Variants in SLC16A7 observed in about 807,000 individuals in gnomAD.
SLC16A7 encodes the protein solute carrier family 16 member 7.
In SLC16A7, 33 loss-of-function variants were observed where a neutral mutation model predicts 34.9. The ratio of observed to expected loss-of-function variants is 0.94; its 90% CI spans 0.72 to 1.26. The LOEUF (loss-of-function observed/expected upper bound fraction) is 1.26. SLC16A7 is among the 50% of genes most tolerant of loss of function. The pLI is 0.00. For missense variants in SLC16A7, 573 were observed against 578.1 expected (o/e 0.99, Z 0.09); for synonymous variants, 201 against 206.6 (o/e 0.97, Z 0.23).
chr12:59,609,965 C>T (rs1879120150), intron 1 of SLC16A7, among the ~76,000 whole-genome samples: 1 of 152,154 alleles, frequency 6.6e-6, no homozygotes, highest in Admixed American at 6.5e-5. Flanking sequence ...TCACCTCATG[C>T]AATCCTTAAT....
At chr12:59,727,011 G>T (rs931602205) in intron 3 of SLC16A7, among the ~76,000 whole-genome samples, 1 of 151,788 alleles carries the variant, frequency 6.6e-6, no homozygotes, top group Admixed American at 6.6e-5. Flanking sequence ...ATCTAAAGAA[G>T]GATGACAATC....
chr12:59,607,302 C>T lies in SLC16A7; in HGVS notation c.-130+11066C>T, dbSNP rs543687370. Among the ~76,000 whole-genome samples, 6 of 152,136 alleles carry T rather than the reference C, an allele frequency of 3.9e-5. No homozygotes were observed. The South Asian group carries it at 6.2e-4, about 16-fold the overall frequency. ...GTCTTTAGTTAAGAGAGGAGCTAGT[C>T]GTAGTAAGTGCCACAGAACTCAAAA... On this transcript the variant is annotated intron_variant, in intron 1 of 5. Transcript: ENST00000547379.
intron 2 of SLC16A7, among the ~76,000 whole-genome samples, chr12:59,694,961 T>C (rs751508992): frequency 6.6e-6 from 1 of 152,006 alleles, no homozygotes; most frequent in Admixed American, 6.6e-5. Context: ...TTAGTCTTTC[T>C]GGAAGAAAAT....
intron 3 of SLC16A7, among the ~76,000 whole-genome samples, chr12:59,749,446 C>G (rs2706284): frequency 6.6e-6 from 1 of 152,048 alleles, no homozygotes. Flanking sequence ...CAAAACCCCA[C>G]GAATTCAGTG....
chr12:59,787,259 G>A lies in SLC16A7; in HGVS notation c.*7580G>A, dbSNP rs1883689333. The A allele has an allele frequency of 6.6e-6, 1 of 152,102 alleles. No individual in the cohort carries two copies. Among genetic ancestry groups the A allele is most frequent in the Admixed American group, 6.6e-5 (1 of 15,262 alleles). The allele number at this position is 152,102 out of a possible 1,614,324, so 9.4% of individuals were successfully genotyped here. A position where few individuals can be genotyped will look rare whatever the true frequency, so the allele number is the denominator to read the frequency against. Reference sequence around the variant, plus strand: ...TTGTATGCAAGAAATTATTGCCATAGCATAGTCTTGAGGAGAACACCTCTA... The same window carrying A: ...TTGTATGCAAGAAATTATTGCCATAACATAGTCTTGAGGAGAACACCTCTA... On this transcript the variant is annotated 3_prime_UTR_variant, in exon 6 of 6. Transcript: ENST00000547379.
intron 3 of SLC16A7, among the ~76,000 whole-genome samples, chr12:59,717,992 G>T (rs1037944918): frequency 6.6e-6 from 1 of 152,100 alleles, no homozygotes; most frequent in Non-Finnish European, 1.5e-5. Flanking sequence ...AATAGTGTCA[G>T]AAAAATACAT....
intron 3 of SLC16A7, among the ~76,000 whole-genome samples, chr12:59,747,050 T>G (rs1207581257): frequency 6.6e-6 from 1 of 152,178 alleles, no homozygotes; most frequent in African/African-American, 2.4e-5. Flanking sequence ...TAGGCTAGTC[T>G]CTAAATCCTG....
chr12:59,673,983 A>T (rs7953712), intron 2 of SLC16A7, among the ~76,000 whole-genome samples: 1 of 152,108 alleles, frequency 6.6e-6, no homozygotes, highest in East Asian at 1.9e-4. Context: ...TCTCAGTCTG[A>T]TTTAGTTATA....
intron 2 of SLC16A7, among the ~76,000 whole-genome samples, chr12:59,658,964 C>T (rs1305410499): frequency 6.6e-6 from 1 of 151,932 alleles, no homozygotes; most frequent in Non-Finnish European, 1.5e-5. Context: ...ATTTTAGATA[C>T]AGGGGAACAT....
intron 2 of SLC16A7, among the ~76,000 whole-genome samples, chr12:59,704,524 G>C (rs1254895431): frequency 1.3e-5 from 2 of 152,026 alleles, no homozygotes; most frequent in Non-Finnish European, 2.9e-5. Context: ...ACTTCACTTT[G>C]AGTAATTTTT....
chr12:59,637,984 G>A (rs902522264), intron 1 of SLC16A7, among the ~76,000 whole-genome samples: 4 of 152,010 alleles, frequency 2.6e-5, no homozygotes, highest in African/African-American at 7.2e-5. Flanking sequence ...ATGCTCTTGG[G>A]CTCCCCATTT....
In SLC16A7 at chr12:59,627,895, AAT is replaced by A. The variant is rs201420166; in HGVS notation, c.-129-27244_-129-27243del. Among the ~76,000 whole-genome samples, 294 of 149,396 alleles carry A rather than the reference AAT, an allele frequency of 2.0e-3. 8 individuals are homozygous for A. In the East Asian group the frequency reaches 0.03, roughly 15 times the overall value. ...TACTATACTATATATAGACTATATA[AAT>A]ATATATATATATTTTATTCAGTGTA... On this transcript the variant is annotated intron_variant, in intron 1 of 5. Coordinates refer to ENST00000547379, the MANE Select transcript of SLC16A7 (RefSeq NM_001270623.2).
At chr12:59,704,681 T>G (rs1028437983) in intron 2 of SLC16A7, 91 bp from the exon 3 acceptor site, 139 of 649,740 alleles carry the variant, frequency 2.1e-4, no homozygotes, top group Non-Finnish European at 2.7e-4. Context: ...TATTGTAGTT[T>G]TAACTGGAAA....
intron 1 of SLC16A7, among the ~76,000 whole-genome samples, chr12:59,608,702 T>A (rs1294563532): frequency 3.9e-5 from 6 of 152,222 alleles, no homozygotes; most frequent in Non-Finnish European, 1.5e-5. Flanking sequence ...TATATGCTGT[T>A]AATTTAAGAA....
intron 1 of SLC16A7, among the ~76,000 whole-genome samples, chr12:59,622,597 T>C (rs1275918508): frequency 6.6e-6 from 1 of 151,826 alleles, no homozygotes; most frequent in Middle Eastern, 3.2e-3. Flanking sequence ...ATTTCCATTG[T>C]GATTTTTTGT....
intron 2 of SLC16A7, among the ~76,000 whole-genome samples, chr12:59,661,055 A>G (rs1464895466): frequency 6.6e-6 from 1 of 152,068 alleles, no homozygotes; most frequent in Admixed American, 6.6e-5. Context: ...ATTTTATAAC[A>G]TATTCTCTGT....
chr12:59,703,365 T>C (rs1241081801), intron 2 of SLC16A7, among the ~76,000 whole-genome samples: 2 of 152,106 alleles, frequency 1.3e-5, no homozygotes, highest in African/African-American at 4.8e-5. Context: ...GGTGCATTTA[T>C]CATTTATACC....
chr12:59,608,263 C>T (rs1377893401), intron 1 of SLC16A7, among the ~76,000 whole-genome samples: 2 of 152,140 alleles, frequency 1.3e-5, no homozygotes, highest in African/African-American at 4.8e-5. Flanking sequence ...CATATAGGTC[C>T]TCATTACCCA....
intron 1 of SLC16A7, among the ~76,000 whole-genome samples, chr12:59,625,215 A>G (rs1351767176): frequency 1.3e-5 from 2 of 151,800 alleles, no homozygotes; most frequent in Non-Finnish European, 2.9e-5. Flanking sequence ...GAGGCCTTAC[A>G]GGAATGATAA....
Sources: gnomAD v4.1 joint callset for allele counts (sites outside exome capture counted in the v4.1 genomes callset) on GRCh38, gnomAD v4.1.1 for gene constraint, MANE v1.5 for transcripts, NCBI Gene and HGNC (gene_info 2026-07-23, HGNC 2026-07-21) for gene names.